The following C1orf87 variants were observed in gnomAD, a reference collection of about 807,000 sequenced individuals.
The protein encoded by C1orf87 is uncharacterized protein C1orf87.
C1orf87 carries 58 observed loss-of-function variants against 60.5 expected under a neutral mutation model. The observed-to-expected ratio is 0.96, with a 90% CI of 0.78 to 1.19. C1orf87 has a LOEUF of 1.19. Among genes scored for constraint, C1orf87 ranks in the 50% most tolerant of loss-of-function variants. The pLI is 0.00. For synonymous variants in C1orf87, 236 were observed against 227.4 expected (o/e 1.04, Z -0.34); for missense variants, 673 against 638.6 (o/e 1.05, Z -0.58).
chr1:60,028,366 TAAGA>T (rs1645214044), intron 7 of C1orf87, among the ~76,000 whole-genome samples: 1 of 152,168 alleles, frequency 6.6e-6, no homozygotes, highest in African/African-American at 2.4e-5. Context: ...GGATAGCTGC[TAAGA>T]ACTGACTGCT....
intron 3 of C1orf87, among the ~76,000 whole-genome samples, chr1:60,042,509 A>G (rs1317797423): frequency 6.6e-6 from 1 of 152,244 alleles, no homozygotes; most frequent in East Asian, 1.9e-4. Flanking sequence ...ATTTTAAGGA[A>G]AAACCAAGAC....
intron 2 of C1orf87, among the ~76,000 whole-genome samples, chr1:60,056,612 T>A (rs565039639): frequency 1.3e-5 from 2 of 152,344 alleles, no homozygotes; most frequent in African/African-American, 4.8e-5. Context: ...ATATAACGTG[T>A]GTGCCTATTC....
intron 3 of C1orf87, among the ~76,000 whole-genome samples, chr1:60,042,228 T>C (rs1168946940): frequency 6.6e-6 from 1 of 152,176 alleles, no homozygotes; most frequent in Non-Finnish European, 1.5e-5. Context: ...TTATTTTATT[T>C]ATTTTATTTA....
At position 60,015,283 on chromosome 1, in the gene C1orf87, GA is replaced by G. The variant is rs916993767; in HGVS notation, c.1128-4828del. 3.3e-4 allele frequency among the ~76,000 whole-genome samples: 50 copies of G among 152,052 alleles called. 1 individual carries two copies. Among genetic ancestry groups the G allele is most frequent in the African/African-American group, 1.1e-3 (45 of 41,492 alleles). ...TGCTTTCACCATAGGAGGTCACAGT[GA>G]AAAAAACACCTGTCTCTAAGGAAGT... is the stretch of plus-strand genomic sequence containing the variant. On this transcript the variant is annotated intron_variant, in intron 8 of 11. Transcript: ENST00000371201.
intron 9 of C1orf87, among the ~76,000 whole-genome samples, chr1:60,006,602 T>C (rs1645047784): frequency 6.9e-6 from 1 of 145,886 alleles, no homozygotes; most frequent in African/African-American, 2.6e-5. Flanking sequence ...GCTTTCTGCA[T>C]CCTCTTCTTC....
chr1:60,032,001 C>T (rs371026149), intron 7 of C1orf87, among the ~76,000 whole-genome samples: 86 of 139,336 alleles, frequency 6.2e-4, no homozygotes, highest in South Asian at 2.4e-3. Flanking sequence ...CACACACACA[C>T]ACATACACAC....
chr1:60,021,420 G>C (rs1039795600), intron 8 of C1orf87, among the ~76,000 whole-genome samples: 3 of 152,204 alleles, frequency 2.0e-5, no homozygotes, highest in Non-Finnish European at 2.9e-5. Flanking sequence ...GGTGCCATGA[G>C]AGAGTACAGC....
intron 2 of C1orf87, among the ~76,000 whole-genome samples, chr1:60,063,795 G>T (rs997330822): frequency 6.6e-6 from 1 of 152,122 alleles, no homozygotes; most frequent in African/African-American, 2.4e-5. Context: ...CAGGTATATG[G>T]GTTCCCTGAT....
Position 60,072,608 on chromosome 1 carries a change from A to G in C1orf87, c.36T>C (p.Asp12=). The G allele has an allele frequency of 1.2e-6, 2 of 1,613,128 alleles. No homozygotes were observed. Among genetic ancestry groups the G allele is most frequent in the Non-Finnish European group, 1.7e-6 (2 of 1,179,878 alleles). ...SSAWKTPRGS[D]AMPEIMVKII... ...TTTTCACCATGATCTCAGGCATTGC[A>G]TCTGATCCACGGGGAGTCTTCCAGG... The change falls in exon 2 of 12, where the codon GAT becomes GAC. Residue 12 remains aspartate (D), a synonymous_variant. Transcript: ENST00000371201.
In C1orf87 at chr1:60,065,012, A is replaced by ATAT. The variant is rs370628374; in HGVS notation, c.107+7524_107+7525insATA. Among the ~76,000 whole-genome samples the ATAT allele has an allele frequency of 7.7e-4, 89 of 114,940 alleles. 2 individuals carry two copies. The highest frequency in any genetic ancestry group is 2.6e-3 in the African/African-American group (76 of 29,612). 75.4% of individuals were successfully genotyped at this position (114,940 alleles called of 152,430 possible). ...AAATACATATAAATATTAAATATAT[A>ATAT]TTAAATATATATATTTAATATATAT... On this transcript the variant is annotated intron_variant, in intron 2 of 11. Coordinates refer to ENST00000371201, the MANE Select transcript of C1orf87 (RefSeq NM_152377.3).
intron 7 of C1orf87, among the ~76,000 whole-genome samples, chr1:60,030,696 A>G (rs568549803): frequency 1.3e-5 from 2 of 152,370 alleles, no homozygotes; most frequent in South Asian, 4.1e-4. Context: ...CTTAGGTTCT[A>G]CAACCCTATT....
chr1:60,026,415 G>T (rs1321219564), intron 7 of C1orf87, among the ~76,000 whole-genome samples: 1 of 151,990 alleles, frequency 6.6e-6, no homozygotes, highest in African/African-American at 2.4e-5. Context: ...TTCTTATTAG[G>T]CATTTGATTA....
At chr1:60,015,316 T>A (rs935806335) in intron 8 of C1orf87, among the ~76,000 whole-genome samples, 1 of 152,176 alleles carries the variant, frequency 6.6e-6, no homozygotes, top group African/African-American at 2.4e-5. Flanking sequence ...AAGTGGACCC[T>A]CACCAAACAC....
chr1:60,055,784 T>C (rs1459615737), intron 2 of C1orf87, among the ~76,000 whole-genome samples: 1 of 152,148 alleles, frequency 6.6e-6, no homozygotes, highest in Non-Finnish European at 1.5e-5. Context: ...TTTTCAGCCT[T>C]AGAAAAGAAA....
At chr1:60,066,409 G>A (rs1305590520) in intron 2 of C1orf87, among the ~76,000 whole-genome samples, 1 of 152,110 alleles carries the variant, frequency 6.6e-6, no homozygotes, top group Non-Finnish European at 1.5e-5. Context: ...TTCACCAGGA[G>A]AATTGATTCT....
intron 7 of C1orf87, among the ~76,000 whole-genome samples, chr1:60,030,831 G>A (rs1645232842): frequency 6.6e-6 from 1 of 152,218 alleles, no homozygotes. Context: ...GGAACAGGAT[G>A]AGTGAGTCCG....
At chr1:60,005,680 G>A (rs1040142883) in intron 9 of C1orf87, among the ~76,000 whole-genome samples, 8 of 152,108 alleles carry the variant, frequency 5.3e-5, no homozygotes, top group African/African-American at 1.9e-4. Context: ...CAGAGCCTGG[G>A]TGAGGCAGAA....
chr1:59,995,688 CA>C (rs1644958965), intron 11 of C1orf87, among the ~76,000 whole-genome samples: 1 of 152,182 alleles, frequency 6.6e-6, no homozygotes, highest in Non-Finnish European at 1.5e-5. Flanking sequence ...AGCCTCATTT[CA>C]TACCTTCACT....
chr1:60,038,234 T>C, intron 5 of C1orf87, 127 bp from the exon 6 acceptor site: 1 of 509,132 alleles, frequency 2.0e-6, no homozygotes, highest in South Asian at 3.5e-5. Context: ...AAAAATATAG[T>C]ATCATAATTA....
Sources: gnomAD v4.1 joint callset for allele counts (sites outside exome capture counted in the v4.1 genomes callset) on GRCh38, gnomAD v4.1.1 for gene constraint, MANE v1.5 for transcripts, NCBI Gene and HGNC (gene_info 2026-07-23, HGNC 2026-07-21) for gene names.